ACAP2: variants seen among roughly 807,000 people sequenced by gnomAD.
ACAP2 encodes arf-GAP with coiled-coil, ANK repeat and PH domain-containing protein 2.
In ACAP2, 39 loss-of-function variants were observed where a neutral mutation model predicts 115.8. That is an observed-to-expected ratio of 0.34 (90% CI 0.26 to 0.44). ACAP2 has a LOEUF of 0.44. ACAP2 is among the 20% of genes least tolerant of loss of function. The probability of loss-of-function intolerance (pLI) is 1.00; values close to 1 mark genes in which losing one functional copy is unlikely to be tolerated. For missense variants in ACAP2, 662 were observed against 927.6 expected (o/e 0.71, Z 3.72); for synonymous variants, 289 against 315.8 (o/e 0.92, Z 0.90).
At chr3:195,283,027 G>C (rs1022083862) in intron 22 of ACAP2, among the ~76,000 whole-genome samples, 5 of 152,184 alleles carry the variant, frequency 3.3e-5, no homozygotes, top group African/African-American at 1.2e-4. Context: ...GTGGGTAACA[G>C]CTTACTTTCA....
At chr3:195,281,331 G>A (rs1040774742) in intron 22 of ACAP2, among the ~76,000 whole-genome samples, 11 of 152,138 alleles carry the variant, frequency 7.2e-5, no homozygotes, top group Admixed American at 2.0e-4. Flanking sequence ...TGTGAACCCG[G>A]GAGGCAGAGC....
chr3:195,309,272 T>C (rs1003846627), intron 10 of ACAP2, among the ~76,000 whole-genome samples: 1 of 152,160 alleles, frequency 6.6e-6, no homozygotes, highest in Non-Finnish European at 1.5e-5. Context: ...CCAGGCACGG[T>C]GGCTCACGCC....
At chr3:195,325,695 A>C (rs1729748745) in intron 9 of ACAP2, among the ~76,000 whole-genome samples, 1 of 152,164 alleles carries the variant, frequency 6.6e-6, no homozygotes, top group Non-Finnish European at 1.5e-5. Context: ...ATATTCAGAT[A>C]GTTCTACAAA....
At chr3:195,291,509 T>C (rs368756111) in intron 20 of ACAP2, among the ~76,000 whole-genome samples, 197 bp downstream of exon 20, 1 of 152,248 alleles carries the variant, frequency 6.6e-6, no homozygotes, top group East Asian at 1.9e-4. Flanking sequence ...CTTGAAATTT[T>C]TGTATCTGAA....
chr3:195,323,349 T>A (rs1729571852), intron 9 of ACAP2, among the ~76,000 whole-genome samples: 1 of 152,150 alleles, frequency 6.6e-6, no homozygotes, highest in African/African-American at 2.4e-5. Flanking sequence ...AAATCAATAT[T>A]AAAAGAGATT....
chr3:195,437,225 T>G (rs1291983559), intron 1 of ACAP2, among the ~76,000 whole-genome samples: 1 of 149,396 alleles, frequency 6.7e-6, no homozygotes, highest in Non-Finnish European at 1.5e-5. Flanking sequence ...TTTTTTTTTG[T>G]AAAGACAGGG....
At chr3:195,435,903 T>C (rs1260299335) in intron 1 of ACAP2, among the ~76,000 whole-genome samples, 1 of 152,132 alleles carries the variant, frequency 6.6e-6, no homozygotes, top group Non-Finnish European at 1.5e-5. Flanking sequence ...TATTTCCTTA[T>C]TAATCATCTG....
At chr3:195,381,160 A>G in intron 3 of ACAP2, 98 bp from the exon 4 acceptor site, 1 of 802,400 alleles carries the variant, frequency 1.2e-6, no homozygotes, top group Non-Finnish European at 2.0e-6. Flanking sequence ...AGATCAAGTT[A>G]CACTGTAAAC....
intron 1 of ACAP2, among the ~76,000 whole-genome samples, chr3:195,440,173 T>C (rs1346964745): frequency 1.3e-5 from 2 of 152,166 alleles, no homozygotes; most frequent in African/African-American, 4.8e-5. Context: ...TTAAGCTGAT[T>C]TTAAACTGGT....
chr3:195,356,199 A>G (rs1263361622), intron 4 of ACAP2: 4 of 456,696 alleles, frequency 8.8e-6, no homozygotes, highest in Non-Finnish European at 1.8e-5. Flanking sequence ...ACGGGGAAAG[A>G]GCACAGCAAC....
At chr3:195,299,393 T>A (rs12494032) in intron 15 of ACAP2, among the ~76,000 whole-genome samples, 3,079 of 139,904 alleles carry the variant, frequency 0.022, 103 homozygotes, top group East Asian at 0.1. Context: ...AACATGGCAA[T>A]ACCCCGTCTC....
rs544119289 is a variant in ACAP2, at chr3:195,366,026, G to A, written c.285+14983C>T. On this transcript the variant is annotated intron_variant, in intron 4 of 22. Coordinates refer to ENST00000326793, the MANE Select transcript of ACAP2 (RefSeq NM_012287.6). Reference sequence around the variant, plus strand: ...CCGAATAATTTTTGTATTTTTAGTAGAGATGGGGTTTCACCACGTTGGCCA... The same window carrying A: ...CCGAATAATTTTTGTATTTTTAGTAAAGATGGGGTTTCACCACGTTGGCCA... Among the ~76,000 whole-genome samples the A allele has an allele frequency of 1.2e-4, 18 of 152,118 alleles. 1 individual carries two copies. In the South Asian group the frequency reaches 3.7e-3, roughly 32 times the overall value.
intron 1 of ACAP2, among the ~76,000 whole-genome samples, chr3:195,412,064 C>T (rs1223235154): frequency 6.6e-6 from 1 of 150,618 alleles, no homozygotes; most frequent in African/African-American, 2.4e-5. Flanking sequence ...GTGGCTCATG[C>T]CTATGATCCC....
At chr3:195,432,635 C>T (rs143776981) in intron 1 of ACAP2, among the ~76,000 whole-genome samples, 1,961 of 152,280 alleles carry the variant, frequency 0.013, 32 homozygotes, top group African/African-American at 0.043. Context: ...CCTCCAACTT[C>T]GTTCTTTTTC....
At chr3:195,350,484 G>A (rs1395847463) in intron 4 of ACAP2, among the ~76,000 whole-genome samples, 1 of 151,376 alleles carries the variant, frequency 6.6e-6, no homozygotes. Flanking sequence ...CCCCAATCTC[G>A]ACAAAAATTC....
intron 20 of ACAP2, among the ~76,000 whole-genome samples, chr3:195,289,872 G>T (rs1441560434): frequency 6.8e-6 from 1 of 147,312 alleles, no homozygotes; most frequent in Middle Eastern, 3.6e-3. Context: ...ATGAAAAAAA[G>T]ATCACTCAAG....
intron 4 of ACAP2, among the ~76,000 whole-genome samples, chr3:195,348,171 A>G (rs887235607): frequency 6.6e-6 from 1 of 152,158 alleles, no homozygotes; most frequent in African/African-American, 2.4e-5. Flanking sequence ...GGATAAATGA[A>G]TAGATATGTG....
At position 195,307,282 on chromosome 3, in the gene ACAP2, T is replaced by C. The variant is rs759070912; in HGVS notation, c.951A>G (p.Thr317=). The change falls in exon 12 of 23, where the codon ACA becomes ACG. Residue 317 remains threonine (T), a synonymous_variant. Coordinates refer to ENST00000326793, the MANE Select transcript of ACAP2 (RefSeq NM_012287.6). The stretch of plus-strand genomic sequence containing the variant: ...GCTCTATGTCTTCACAATGTTTCAC[T>C]GTGCAAAGCCTGAGGTCTTCAACTA... The part of the protein sequence containing the change: ...TVVVEDLRLC[T]VKHCEDIERR... The C allele has an allele frequency of 1.4e-5, 23 of 1,613,366 alleles. No homozygotes were observed. The highest frequency in any genetic ancestry group is 5.3e-5 in the African/African-American group (4 of 74,918).
intron 8 of ACAP2, among the ~76,000 whole-genome samples, chr3:195,330,753 G>A (rs1730113362): frequency 1.3e-5 from 2 of 152,166 alleles, no homozygotes; most frequent in Admixed American, 1.3e-4. Context: ...TGGCATTAAC[G>A]TTAATTTCCC....
Sources: gnomAD v4.1 joint callset for allele counts (sites outside exome capture counted in the v4.1 genomes callset) on GRCh38, gnomAD v4.1.1 for gene constraint, MANE v1.5 for transcripts, NCBI Gene and HGNC (gene_info 2026-07-23, HGNC 2026-07-21) for gene names.